MRNIP: variants seen among roughly 807,000 people sequenced by gnomAD.
The protein encoded by MRNIP is MRN complex-interacting protein.
A neutral mutation model predicts 29.8 loss-of-function variants in MRNIP; 30 were observed. The ratio of observed to expected loss-of-function variants is 1.01; its 90% CI spans 0.75 to 1.36. The LOEUF is 1.36. MRNIP is among the 40% of genes most tolerant of loss of function. The probability of loss-of-function intolerance (pLI) is 0.00; values close to 1 mark genes in which losing one functional copy is unlikely to be tolerated. For synonymous variants in MRNIP, 201 were observed against 164.1 expected (o/e 1.23, Z -1.72); for missense variants, 459 against 423.5 (o/e 1.08, Z -0.74).
rs553593847 is a variant in MRNIP, at chr5:179,842,808, G to A, written c.292-744C>T. On this transcript the variant is annotated intron_variant, in intron 4 of 6. Transcript: ENST00000292586. ...AGCACCGTGGGAGGCTGAGGCGGGC[G>A]GGTCACCTGAGCTCAGGAGTTCAAG... 8.6e-5 allele frequency among the ~76,000 whole-genome samples: 13 copies of A among 150,922 alleles called. No individual in the cohort carries two copies. The East Asian group carries it at 1.8e-3, about 21-fold the overall frequency.
rs779724299 is a variant in MRNIP at position 179,847,983 on chromosome 5, T to C, written c.210A>G (p.Pro70=). The change falls in exon 3 of 7, where the codon CCA becomes CCG. Residue 70 remains proline, a synonymous_variant. Transcript: ENST00000292586. The part of the protein sequence containing the change: ...NLLQGQVSEL[P]LRSLEETVSA... Reference sequence around the variant, plus strand: ...CTCTTCTCAAACAACTGTACCTGAGTGGCAGCTCTGAAACTTGTCCCTGTA... The same window carrying C: ...CTCTTCTCAAACAACTGTACCTGAGCGGCAGCTCTGAAACTTGTCCCTGTA... 3.1e-6 allele frequency: 5 copies of C among 1,606,916 alleles called. No individual in the cohort carries two copies. Among genetic ancestry groups the C allele is most frequent in the Non-Finnish European group, 4.3e-6 (5 of 1,174,274 alleles).
chr5:179,858,297 G>C (rs982342106), intron 1 of MRNIP, among the ~76,000 whole-genome samples: 5 of 152,176 alleles, frequency 3.3e-5, no homozygotes, highest in African/African-American at 9.7e-5. Flanking sequence ...TCAAGTCCCT[G>C]GCCCCGCGGA....
chr5:179,838,001 A>C, intron 6 of MRNIP, 116 bp from the exon 7 acceptor site: 1 of 992,228 alleles, frequency 1.0e-6, no homozygotes, highest in East Asian at 2.5e-5. Context: ...TTCTGCTGGA[A>C]GCTGTCAGGC....
rs767499475 is a variant in MRNIP at position 179,853,429 on chromosome 5, CTT to C, written c.73_74del (p.Lys25GlufsTer21). Reference sequence around the variant, plus strand: ...AAGCTTTGCATGTCCACTTGACACTCTTTTTTACCTGCAATGAAATTTCAGAA... The same window carrying C: ...AAGCTTTGCATGTCCACTTGACACTCTTTTACCTGCAATGAAATTTCAGAA... ...CRLFQAHQVK[K>X]SVKWTCKACG... On this transcript the variant is annotated frameshift_variant, in exon 2 of 7. Coordinates refer to ENST00000292586, the MANE Select transcript of MRNIP (RefSeq NM_016175.4). LOFTEE classifies it high-confidence loss of function. 6.8e-6 allele frequency: 11 copies of C among 1,609,422 alleles called. No homozygotes were observed. Among genetic ancestry groups the C allele is most frequent in the Non-Finnish European group, 9.3e-6 (11 of 1,177,824 alleles).
At position 179,837,899 on chromosome 5, in the gene MRNIP, T is replaced by C. The variant is rs771699503; in HGVS notation, c.538-14A>G. On this transcript the variant is annotated splice_polypyrimidine_tract_variant and intron_variant, in intron 6 of 6. Coordinates refer to ENST00000292586, the MANE Select transcript of MRNIP (RefSeq NM_016175.4). Reference sequence around the variant, plus strand: ...GCCAGCCTGTCCCTGAAAGAGAAGATGGCCATGCCCTCCATGTGTAAGAAC... The same window carrying C: ...GCCAGCCTGTCCCTGAAAGAGAAGACGGCCATGCCCTCCATGTGTAAGAAC... 41 of 1,598,100 alleles carry C rather than the reference T, an allele frequency of 2.6e-5. No individual in the cohort carries two copies. Among genetic ancestry groups the C allele is most frequent in the Non-Finnish European group, 3.5e-5 (41 of 1,177,152 alleles).
Position 179,846,482 on chromosome 5 carries a change from C to T in MRNIP, c.215+1496G>A, listed in dbSNP as rs567044926. On this transcript the variant is annotated intron_variant, in intron 3 of 6. Transcript: ENST00000292586. ...ATTTTTAGTAGAGACGGGATTTCAT[C>T]GTATTGGCCAGGATGGTCTCGATCT... Among the ~76,000 whole-genome samples the T allele has an allele frequency of 4.9e-4, 75 of 152,126 alleles. 1 individual carries two copies. The highest frequency in any genetic ancestry group is 9.8e-4 in the Admixed American group (15 of 15,262).
intron 2 of MRNIP, among the ~76,000 whole-genome samples, chr5:179,851,814 T>TA (rs1327662372): frequency 6.6e-6 from 1 of 151,774 alleles, no homozygotes; most frequent in East Asian, 1.9e-4. Context: ...CCATCTCTAC[T>TA]AAAAATACAA....
intron 6 of MRNIP, chr5:179,838,172 C>G (rs1175691929): frequency 1.6e-5 from 8 of 487,402 alleles, no homozygotes; most frequent in Non-Finnish European, 7.4e-6. Context: ...AATCAGGTTA[C>G]CGGTGCCTAC....
intron 1 of MRNIP, among the ~76,000 whole-genome samples, chr5:179,854,607 T>A (rs1216680219): frequency 6.6e-6 from 1 of 151,664 alleles, no homozygotes; most frequent in Non-Finnish European, 1.5e-5. Context: ...CAAGAGGCTG[T>A]CTCACAAAAC....
chr5:179,848,430 A>G (rs1759218756), intron 2 of MRNIP, among the ~76,000 whole-genome samples: 1 of 152,232 alleles, frequency 6.6e-6, no homozygotes, highest in African/African-American at 2.4e-5. Context: ...AATATATGAA[A>G]TGATACTTAC....
At chr5:179,851,841 G>A (rs567045044) in intron 2 of MRNIP, among the ~76,000 whole-genome samples, 6 of 152,140 alleles carry the variant, frequency 3.9e-5, no homozygotes, top group South Asian at 4.2e-4. Flanking sequence ...AGCCGGGCGT[G>A]GTGGTGGGAG....
chr5:179,858,762 C>T lies in MRNIP; in HGVS notation c.35G>A (p.Cys12Tyr). The T allele has an allele frequency of 6.5e-7, 1 of 1,536,272 alleles. No individual in the cohort carries two copies. The change falls in exon 1 of 7, where the codon TGC becomes TAC. Residue 12 changes from cysteine to tyrosine, a missense_variant. By Grantham distance (194) the Cys-to-Tyr change is radical (BLOSUM62 -2). Transcript: ENST00000292586. ...CGCCTGGAAGAGGCGGCAGCTGCAGCAGCGTAGCACCCGAGAACGCTGAAG... is the reference window on the plus strand; with the variant it reads ...CGCCTGGAAGAGGCGGCAGCTGCAGTAGCGTAGCACCCGAGAACGCTGAAG... Reference protein sequence around the residue: ...ASLQRSRVLRCCSCRLFQAHQ... With the variant: ...ASLQRSRVLRYCSCRLFQAHQ...
intron 2 of MRNIP, among the ~76,000 whole-genome samples, chr5:179,849,197 C>G (rs558615541): frequency 1.8e-4 from 25 of 141,948 alleles, no homozygotes; most frequent in Admixed American, 2.1e-4. Context: ...GCAGATGGTA[C>G]GAGACGGAAT....
Position 179,858,717 on chromosome 5 carries a change from G to A in MRNIP, c.66+14C>T. The stretch of plus-strand genomic sequence containing the variant: ...CGCGCCGGAGGAGGAGGAGGGGGCT[G>A]GCACCCGCCAGACCTGGTGCGCCTG... On this transcript the variant is annotated intron_variant, in intron 1 of 6. Transcript: ENST00000292586. 7 of 1,486,780 alleles carry A rather than the reference G, an allele frequency of 4.7e-6. No individual in the cohort carries two copies. Among genetic ancestry groups the A allele is most frequent in the Non-Finnish European group, 6.3e-6 (7 of 1,108,946 alleles). The allele number at this position is 1,486,780 out of a possible 1,614,324, so 92.1% of individuals were successfully genotyped here.
chr5:179,843,039 A>AAAG (rs1325987661), intron 4 of MRNIP, among the ~76,000 whole-genome samples: 8 of 92,286 alleles, frequency 8.7e-5, no homozygotes, highest in Non-Finnish European at 1.6e-4. Context: ...CGAAAGGAGG[A>AAAG]AAGAAGGAAG....
intron 2 of MRNIP, among the ~76,000 whole-genome samples, chr5:179,849,798 G>C (rs943012462): frequency 2.5e-4 from 38 of 150,546 alleles, no homozygotes; most frequent in Non-Finnish European, 5.2e-4. Flanking sequence ...CAGATGGTAA[G>C]AGATGGAATT....
At chr5:179,857,285 A>AC (rs1294526146) in intron 1 of MRNIP, among the ~76,000 whole-genome samples, 7 of 151,722 alleles carry the variant, frequency 4.6e-5, no homozygotes, top group African/African-American at 1.7e-4. Flanking sequence ...ACATGGTGAA[A>AC]CCCCGTCTCT....
chr5:179,844,869 TC>T, intron 3 of MRNIP, among the ~76,000 whole-genome samples: 2 of 152,386 alleles, frequency 1.3e-5, no homozygotes, highest in Admixed American at 1.3e-4. Context: ...ATTAGGATTT[TC>T]TACATACACA....
intron 4 of MRNIP, among the ~76,000 whole-genome samples, chr5:179,843,045 G>GAGGAAAGAAGGAAA (rs57258808): frequency 9.1e-5 from 10 of 109,696 alleles, no homozygotes; most frequent in African/African-American, 2.7e-4. Flanking sequence ...GAGGAAAGAA[G>GAGGAAAGAAGGAAA]GAAGGAAGGA....
Sources: allele counts gnomAD v4.1 joint callset (sites outside exome capture counted in the v4.1 genomes callset), GRCh38; gene constraint gnomAD v4.1.1; transcripts MANE v1.5; gene names NCBI Gene and HGNC (gene_info 2026-07-23, HGNC 2026-07-21).